The following TRIM67 variants were observed in gnomAD, a reference collection of about 807,000 sequenced individuals.
The protein encoded by TRIM67 is tripartite motif-containing protein 67.
Under a neutral mutation model 71.0 loss-of-function variants are expected in TRIM67, and 39 were observed. That is an observed-to-expected ratio of 0.55 (90% CI 0.43 to 0.72). The LOEUF (loss-of-function observed/expected upper bound fraction) is 0.72, where lower values mean the gene tolerates loss of function less well. Among genes scored for constraint, TRIM67 ranks in the 30% least tolerant of loss-of-function variants. The probability of loss-of-function intolerance (pLI) is 0.00; values close to 1 mark genes in which losing one functional copy is unlikely to be tolerated. For missense variants in TRIM67, 973 were observed against 1,079.2 expected, an observed-to-expected ratio of 0.90 and a Z score of 1.38; for synonymous variants, 481 against 473.9, an observed-to-expected ratio of 1.01 and a Z score of -0.19.
intron 1 of TRIM67, among the ~76,000 whole-genome samples, chr1:231,192,084 G>T (rs1683243601): frequency 6.6e-6 from 1 of 152,128 alleles, no homozygotes; most frequent in African/African-American, 2.4e-5. Flanking sequence ...TGAGGCAGGA[G>T]GATCGCTTGA....
chr1:231,162,815 G>A lies in TRIM67; in HGVS notation c.-155G>A. The A allele has an allele frequency of 1.0e-6, 1 of 954,954 alleles. No homozygotes were observed. Among genetic ancestry groups the A allele is most frequent in the Non-Finnish European group, 1.5e-6 (1 of 659,510 alleles). 59.2% of individuals were successfully genotyped at this position (954,954 alleles called of 1,614,324 possible). ...TAGGGCGGTGGCTACAGGACAGAGA[G>A]AGGGGCGTGCCCCTCGGCTGTGAAG... On this transcript the variant is annotated 5_prime_UTR_variant, in exon 1 of 10. Transcript: ENST00000366653.
chr1:231,173,909 G>A (rs1040497489), intron 1 of TRIM67, among the ~76,000 whole-genome samples: 2 of 152,150 alleles, frequency 1.3e-5, no homozygotes, highest in African/African-American at 2.4e-5. Flanking sequence ...GAAATGGAGA[G>A]AGGCTTATGC....
At chr1:231,205,963 AC>A (rs1318141499) in intron 6 of TRIM67, among the ~76,000 whole-genome samples, 1 of 152,074 alleles carries the variant, frequency 6.6e-6, no homozygotes, top group Admixed American at 6.6e-5. Context: ...CTGGCTGCAG[AC>A]CCAGGAAGCT....
intron 1 of TRIM67, among the ~76,000 whole-genome samples, chr1:231,175,559 GACACCCGCACACGCA>G (rs1361205763): frequency 6.6e-6 from 1 of 152,232 alleles, no homozygotes; most frequent in Non-Finnish European, 1.5e-5. Context: ...GCTAGATCAT[GACACCCGCACACGCA>G]GCCGGCTGCA....
intron 5 of TRIM67, 118 bp downstream of exon 5, chr1:231,201,635 G>C (rs1683527362): frequency 4.7e-6 from 6 of 1,279,436 alleles, no homozygotes; most frequent in East Asian, 2.6e-5. Flanking sequence ...CAGGGTGGGA[G>C]AGCAGGAGCG....
In TRIM67 at chr1:231,163,256, G is replaced by C. The variant is rs1173784881; in HGVS notation, c.287G>C (p.Gly96Ala). The C allele has an allele frequency of 6.6e-7, 1 of 1,512,434 alleles. No homozygotes were observed. Among genetic ancestry groups the C allele is most frequent in the African/African-American group, 1.4e-5 (1 of 68,970 alleles). 93.7% of individuals were successfully genotyped at this position (1,512,434 alleles called of 1,614,324 possible). ...GGLGGGAGGG[G>A]DHADKLSLYS... ...CTCGGCGGCGGTGCGGGAGGTGGCG[G>C]AGACCACGCGGACAAGCTCAGCTTG... is the stretch of plus-strand genomic sequence containing the variant. Residue 96 changes from glycine (G) to alanine (A), a missense_variant, in exon 1 of 10, where the codon GGA becomes GCA. Coordinates refer to ENST00000366653, the MANE Select transcript of TRIM67 (RefSeq NM_001004342.5).
At chr1:231,213,998 G>T in intron 9 of TRIM67, 21 bp downstream of exon 9, 1 of 1,591,722 alleles carries the variant, frequency 6.3e-7, no homozygotes, top group Non-Finnish European at 8.6e-7. Context: ...CCCCAGGGCC[G>T]GACCTGGTCT....
rs1683479406 is a variant in TRIM67 at position 231,200,142 on chromosome 1, T to C, written c.1264-6T>C. On this transcript the variant is annotated splice_region_variant and splice_polypyrimidine_tract_variant and intron_variant, in intron 3 of 9. Transcript: ENST00000366653. ...ACAGTTACTTAGAGGAGTCTTTCCA[T>C]TGCAGATGGTTTGGGACCAGATCAA... 2 of 1,609,398 alleles carry C rather than the reference T, an allele frequency of 1.2e-6. No individual in the cohort carries two copies. The highest frequency in any genetic ancestry group is 1.3e-5 in the African/African-American group (1 of 74,936).
intron 5 of TRIM67, among the ~76,000 whole-genome samples, chr1:231,203,474 C>T (rs1039094666): frequency 3.3e-4 from 50 of 152,274 alleles, no homozygotes; most frequent in African/African-American, 1.2e-3. Context: ...ACTTGTGCCA[C>T]GCACAGGGAG....
intron 4 of TRIM67, 33 bp from the exon 5 acceptor site, chr1:231,201,325 A>G: frequency 6.3e-7 from 1 of 1,592,814 alleles, no homozygotes; most frequent in African/African-American, 1.3e-5. Flanking sequence ...TCCTTTGCAA[A>G]GCAAAACCTT....
chr1:231,220,026 C>A lies in TRIM67; in HGVS notation c.*4586C>A. 2 of 1,142,666 alleles carry A rather than the reference C, an allele frequency of 1.8e-6. No individual in the cohort carries two copies. The highest frequency in any genetic ancestry group is 1.3e-5 in the South Asian group (1 of 78,208). 70.8% of individuals were successfully genotyped at this position (1,142,666 alleles called of 1,614,324 possible). ...CCTTTCTGTGCCTCAGTATCCCCACCTGAAATGAGACTAGTCATACTAACC... is the reference window on the plus strand; with the variant it reads ...CCTTTCTGTGCCTCAGTATCCCCACATGAAATGAGACTAGTCATACTAACC... On this transcript the variant is annotated 3_prime_UTR_variant, in exon 10 of 10. Transcript: ENST00000366653.
At position 231,162,915 on chromosome 1, in the gene TRIM67, C is replaced by T; in HGVS notation, c.-55C>T. 3 of 1,574,514 alleles carry T rather than the reference C, an allele frequency of 1.9e-6. No homozygotes were observed. Among genetic ancestry groups the T allele is most frequent in the Non-Finnish European group, 2.6e-6 (3 of 1,164,646 alleles). On this transcript the variant is annotated 5_prime_UTR_variant, in exon 1 of 10. Transcript: ENST00000366653. ...GCGCTGGTCCTCCTCCGCCAGTCTC[C>T]CGAGCTCCGGCCATTCATCCCCAGC...
chr1:231,190,726 G>C (rs147817755), intron 1 of TRIM67, among the ~76,000 whole-genome samples: 1 of 152,186 alleles, frequency 6.6e-6, no homozygotes, highest in Non-Finnish European at 1.5e-5. Flanking sequence ...TCCTCAGGGC[G>C]GGGGACTGGA....
In TRIM67 at chr1:231,203,924, C is replaced by T. The variant is rs765569921; in HGVS notation, c.1592C>T (p.Thr531Met). ...EKCCTRNNSV[T>M]LAWRMPPFTH... is the part of the protein sequence containing the mutation. ...TGCTGCACCCGTAACAACAGCGTCA[C>T]GCTGGCCTGGAGGATGCCACCCTTC... Residue 531 changes from threonine (T) to methionine (M), a missense_variant, in exon 6 of 10, where the codon ACG becomes ATG. This residue lies in a region of TRIM67 where 795 missense variants were observed against 831.3 expected (regional missense o/e 0.96). Transcript: ENST00000366653. 4.5e-5 allele frequency: 73 copies of T among 1,613,888 alleles called. No individual in the cohort carries two copies. In the South Asian group the frequency reaches 6.9e-4, roughly 15 times the overall value.
At chr1:231,207,926 G>A (rs766232747) in intron 7 of TRIM67, among the ~76,000 whole-genome samples, 8 of 151,856 alleles carry the variant, frequency 5.3e-5, no homozygotes, top group Non-Finnish European at 1.0e-4. Context: ...TGAGCTTTGT[G>A]ATTTTGGCCA....
chr1:231,209,278 G>A lies in TRIM67; in HGVS notation c.2123+28G>A, dbSNP rs754719088. ...GCGATTGGGCCCCATCCTGCCTCCC[G>A]TGGACACAGGTTGTTTGGGAATGAG... On this transcript the variant is annotated intron_variant, in intron 8 of 9. Transcript: ENST00000366653. The surrounding 1 kb of genome is among the most constrained non-coding windows in gnomAD (Gnocchi z 4.1). 1.4e-5 allele frequency: 21 copies of A among 1,509,542 alleles called. No homozygotes were observed. The highest frequency in any genetic ancestry group is 8.5e-5 in the Admixed American group (4 of 47,174). The allele number at this position is 1,509,542 out of a possible 1,614,324, so 93.5% of individuals were successfully genotyped here.
intron 1 of TRIM67, among the ~76,000 whole-genome samples, chr1:231,186,960 G>A (rs748427032): frequency 2.4e-4 from 36 of 152,106 alleles, no homozygotes; most frequent in Non-Finnish European, 4.4e-4. Flanking sequence ...TGCTTTACCC[G>A]CACATCCCAC....
intron 8 of TRIM67, among the ~76,000 whole-genome samples, chr1:231,212,312 T>A (rs1166968359): frequency 6.6e-6 from 1 of 152,234 alleles, no homozygotes; most frequent in Non-Finnish European, 1.5e-5. Flanking sequence ...TATGTTGTTA[T>A]CTCTTAGAGA....
rs1684057879 is a variant in TRIM67 at position 231,218,004 on chromosome 1, C to T, written c.*2564C>T. 5.8e-6 allele frequency: 7 copies of T among 1,201,436 alleles called. No homozygotes were observed. The highest frequency in any genetic ancestry group is 6.5e-5 in the Admixed American group (2 of 30,618). The allele number at this position is 1,201,436 out of a possible 1,614,324, so 74.4% of individuals were successfully genotyped here. A position where few individuals can be genotyped will look rare whatever the true frequency, so the allele number is the denominator to read the frequency against. ...TCCAGGAGCCCAGAAGCAATACGGC[C>T]GATGCCAGGGACAGCATCCAGCTCT... On this transcript the variant is annotated 3_prime_UTR_variant, in exon 10 of 10. Coordinates refer to ENST00000366653, the MANE Select transcript of TRIM67 (RefSeq NM_001004342.5).
Sources: allele counts gnomAD v4.1 joint callset (sites outside exome capture counted in the v4.1 genomes callset), GRCh38; gene constraint gnomAD v4.1.1; regional missense constraint gnomAD v4.1.1; non-coding constraint Gnocchi (gnomAD v3.1); transcripts MANE v1.5; gene names NCBI Gene and HGNC (gene_info 2026-07-23, HGNC 2026-07-21).